The following DNAH10 variants were observed in gnomAD, a reference collection of about 807,000 sequenced individuals.
DNAH10 encodes the protein axonemal beta dynein heavy chain 10.
In DNAH10, 348 loss-of-function variants were observed where a neutral mutation model predicts 506.6. That is an observed-to-expected ratio of 0.69 (90% CI 0.63 to 0.75). The LOEUF (loss-of-function observed/expected upper bound fraction) is 0.75, where lower values mean the gene tolerates loss of function less well. Ranked by LOEUF, DNAH10 falls within the 30% of genes least tolerant of loss-of-function variation. DNAH10 has a pLI of 0.00. For synonymous variants in DNAH10, 2,059 were observed against 2,198.6 expected, an observed-to-expected ratio of 0.94 and a Z score of 1.78; for missense variants, 5,179 against 5,787.1, an observed-to-expected ratio of 0.89 and a Z score of 3.41.
intron 37 of DNAH10, among the ~76,000 whole-genome samples, chr12:123,858,190 A>C (rs891600003): frequency 5.3e-5 from 8 of 152,152 alleles, no homozygotes; most frequent in Admixed American, 4.6e-4. Flanking sequence ...AAAAAAAATT[A>C]AATTAGATAT....
At chr12:123,854,841 A>G (rs1951325339) in intron 36 of DNAH10, among the ~76,000 whole-genome samples, 1 of 152,226 alleles carries the variant, frequency 6.6e-6, no homozygotes, top group Admixed American at 6.5e-5. Flanking sequence ...TTAGAACCAC[A>G]TATTTGGAAT....
chr12:123,910,805 CA>C, intron 59 of DNAH10, 133 bp downstream of exon 59: 3 of 1,201,836 alleles, frequency 2.5e-6, no homozygotes, highest in Non-Finnish European at 3.4e-6. Flanking sequence ...TTCCCTCCAC[CA>C]CCCAATAAAT....
At position 123,853,158 on chromosome 12, in the gene DNAH10, T is replaced by A; in HGVS notation, c.6292-48T>A. On this transcript the variant is annotated intron_variant, in intron 35 of 78. Transcript: ENST00000673944. The surrounding 1 kb of genome is among the most constrained non-coding windows in gnomAD (Gnocchi z 4.7). ...AGAATGATGCTCCATTGCTTTTGAA[T>A]CATTTTCTTTTTTCTTTTTTTTTGT... is the stretch of plus-strand genomic sequence containing the variant. The A allele has an allele frequency of 6.7e-7, 1 of 1,484,664 alleles. No individual in the cohort carries two copies. The highest frequency in any genetic ancestry group is 9.0e-7 in the Non-Finnish European group (1 of 1,109,790). 92.0% of individuals were successfully genotyped at this position (1,484,664 alleles called of 1,614,324 possible). A position where few individuals can be genotyped will look rare whatever the true frequency, so the allele number is the denominator to read the frequency against.
At chr12:123,777,104 T>C (rs887807842) in intron 5 of DNAH10, among the ~76,000 whole-genome samples, 5 of 152,146 alleles carry the variant, frequency 3.3e-5, no homozygotes, top group African/African-American at 9.7e-5. Context: ...CTCTTTTGCT[T>C]GGACTATCGC....
At chr12:123,774,441 G>GAC (rs761733452) in intron 5 of DNAH10, among the ~76,000 whole-genome samples, 177 bp downstream of exon 5, 7 of 152,148 alleles carry the variant, frequency 4.6e-5, no homozygotes, top group Non-Finnish European at 8.8e-5. Context: ...AGAAATTAAA[G>GAC]ACACACACAC....
chr12:123,870,564 T>C, intron 44 of DNAH10, 79 bp downstream of exon 44: 1 of 1,519,812 alleles, frequency 6.6e-7, no homozygotes, highest in Non-Finnish European at 8.8e-7. Flanking sequence ...GAAGATCCCA[T>C]GGCTTCTCTG....
intron 56 of DNAH10, among the ~76,000 whole-genome samples, chr12:123,900,007 T>C (rs1321223235): frequency 6.6e-6 from 1 of 152,188 alleles, no homozygotes; most frequent in Non-Finnish European, 1.5e-5. Flanking sequence ...CTCTATGTCA[T>C]CTTGCCTACC....
intron 51 of DNAH10, among the ~76,000 whole-genome samples, chr12:123,884,496 G>T (rs370142466): frequency 2.0e-4 from 30 of 152,170 alleles, no homozygotes; most frequent in East Asian, 1.2e-3. Context: ...CTCCAGAGAG[G>T]GCCCTCTCCC....
chr12:123,772,500 C>T (rs766055032), intron 3 of DNAH10, among the ~76,000 whole-genome samples: 1 of 152,234 alleles, frequency 6.6e-6, no homozygotes, highest in African/African-American at 2.4e-5. Flanking sequence ...AGCATTCAGC[C>T]TGGCCTATGC....
At position 123,835,499 on chromosome 12, in the gene DNAH10, T is replaced by G; in HGVS notation, c.4873T>G (p.Phe1625Val). 6.2e-7 allele frequency: 1 copy of G among 1,608,386 alleles called. No individual in the cohort carries two copies. The highest frequency in any genetic ancestry group is 8.5e-7 in the Non-Finnish European group (1 of 1,177,156). ...ACAACTTCCGGAAGAGGCAAAAAAG[T>G]TTGACAACATCGATAAAGTATTTAA... ...RSQLPEEAKK[F>V]DNIDKVFKRI... is the part of the protein sequence containing the mutation. The change falls in exon 28 of 79, where the codon TTT (phenylalanine) becomes GTT (valine). Residue 1625 changes from phenylalanine (F) to valine (V), a missense_variant. Phe to Val is a conservative substitution (Grantham distance 50). Transcript: ENST00000673944.
At chr12:123,924,085 C>A in intron 66 of DNAH10, 193 bp from the exon 67 acceptor site, 1 of 801,120 alleles carries the variant, frequency 1.2e-6, no homozygotes, top group Non-Finnish European at 1.9e-6. Context: ...CATCCTGAGG[C>A]TGGAAGCTGG....
At chr12:123,775,966 C>T (rs11057351) in intron 5 of DNAH10, among the ~76,000 whole-genome samples, 55,062 of 151,822 alleles carry the variant, frequency 0.36, 12,317 homozygotes, top group East Asian at 0.57. Context: ...CTTCATATGA[C>T]GGCAGGAAGG....
chr12:123,803,418 C>G (rs1335577244), intron 16 of DNAH10, among the ~76,000 whole-genome samples: 3 of 152,056 alleles, frequency 2.0e-5, no homozygotes, highest in African/African-American at 7.3e-5. Context: ...GTGCTCCAGC[C>G]AGGACCGTGC....
Position 123,926,435 on chromosome 12 carries a change from C to T in DNAH10, c.11922-202C>T. 1.8e-6 allele frequency: 1 copy of T among 570,678 alleles called. No individual in the cohort carries two copies. Among genetic ancestry groups the T allele is most frequent in the Non-Finnish European group, 3.0e-6 (1 of 335,870 alleles). The allele number at this position is 570,678 out of a possible 1,614,324, so 35.4% of individuals were successfully genotyped here. Reference sequence around the variant, plus strand: ...GAGTGTGAGGGGGTACAGAGAAGTCCCTGCCACTCAGGAGTTCCCCATCAG... The same window carrying T: ...GAGTGTGAGGGGGTACAGAGAAGTCTCTGCCACTCAGGAGTTCCCCATCAG... On this transcript the variant is annotated intron_variant, in intron 68 of 78. Coordinates refer to ENST00000673944, the MANE Select transcript of DNAH10 (RefSeq NM_001372106.1). The surrounding 1 kb of genome is among the most constrained non-coding windows in gnomAD (Gnocchi z 4.1).
At chr12:123,863,071 A>T (rs1185701524) in intron 39 of DNAH10, among the ~76,000 whole-genome samples, 1 of 152,230 alleles carries the variant, frequency 6.6e-6, no homozygotes, top group Non-Finnish European at 1.5e-5. Flanking sequence ...AAAGGAAAAA[A>T]ATACAGGAAG....
At chr12:123,813,709 G>A (rs1959034542) in intron 20 of DNAH10, 45 bp from the exon 21 acceptor site, 2 of 1,612,526 alleles carry the variant, frequency 1.2e-6, no homozygotes, top group Middle Eastern at 1.7e-4. Flanking sequence ...CGCCATTACT[G>A]TTTTTTCTGT....
At chr12:123,835,686 GTGATCGTGGCTCCC>G (rs1961062445) in intron 28 of DNAH10, among the ~76,000 whole-genome samples, 158 bp downstream of exon 28, 1 of 152,148 alleles carries the variant, frequency 6.6e-6, no homozygotes, top group Non-Finnish European at 1.5e-5. Context: ...GTGCAGTGAT[GTGATCGTGGCTCCC>G]TGTAGCCTTG....
At chr12:123,828,348 G>C (rs1451727758) in intron 25 of DNAH10, among the ~76,000 whole-genome samples, 2 of 152,064 alleles carry the variant, frequency 1.3e-5, no homozygotes, top group Non-Finnish European at 2.9e-5. Flanking sequence ...GTTTATTTTA[G>C]AGAAAACAAA....
chr12:123,808,231 G>A (rs1958786587), intron 18 of DNAH10, among the ~76,000 whole-genome samples: 1 of 152,082 alleles, frequency 6.6e-6, no homozygotes, highest in Non-Finnish European at 1.5e-5. Context: ...GGGTCTTGCT[G>A]TGTTGCCCAG....
Sources: allele counts gnomAD v4.1 joint callset (sites outside exome capture counted in the v4.1 genomes callset), GRCh38; gene constraint gnomAD v4.1.1; non-coding constraint Gnocchi (gnomAD v3.1); transcripts MANE v1.5; gene names NCBI Gene and HGNC (gene_info 2026-07-23, HGNC 2026-07-21).